The following MOB3C variants were observed in gnomAD, a reference collection of about 807,000 sequenced individuals.
The protein encoded by MOB3C is MOB kinase activator 3C.
Under a neutral mutation model 19.8 loss-of-function variants are expected in MOB3C, and 17 were observed. The observed-to-expected ratio is 0.86, with a 90% CI of 0.59 to 1.29. The LOEUF is 1.29. Ranked by LOEUF, MOB3C falls within the 50% of genes most tolerant of loss-of-function variation. The pLI is 0.00. For synonymous variants in MOB3C, 101 were observed against 119.2 expected (o/e 0.85, Z 0.99); for missense variants, 291 against 301.9 (o/e 0.96, Z 0.27).
chr1:46,610,683 T>C (rs960028065), intron 2 of MOB3C, among the ~76,000 whole-genome samples: 1 of 152,178 alleles, frequency 6.6e-6, no homozygotes, highest in Non-Finnish European at 1.5e-5. Flanking sequence ...TGCCTGGCCA[T>C]ACTTTTCTTT....
In MOB3C at chr1:46,609,485, CG is replaced by C; in HGVS notation, c.*169del. ...TGCTCTCCCCTTCTCCATCCACAAG[CG>C]GTCAGGGCGACAGGTAGGCAGACTC... On this transcript the variant is annotated 3_prime_UTR_variant, in exon 4 of 4. Coordinates refer to ENST00000319928, the MANE Select transcript of MOB3C (RefSeq NM_201403.3). 1 of 777,682 alleles carries C rather than the reference CG, an allele frequency of 1.3e-6. No homozygotes were observed. Among genetic ancestry groups the C allele is most frequent in the South Asian group, 1.5e-5 (1 of 65,552 alleles). 48.2% of individuals were successfully genotyped at this position (777,682 alleles called of 1,614,324 possible).
rs780986230 is a variant in MOB3C at position 46,613,382 on chromosome 1, C to T, written c.-50-11G>A. 5.0e-6 allele frequency: 8 copies of T among 1,588,668 alleles called. No homozygotes were observed. In the South Asian group the frequency reaches 7.8e-5, roughly 15 times the overall value. Reference sequence around the variant, plus strand: ...GGACCTGAGGATACCCTGCCAGGGACAAGGGCATAGGGGAGCTGGCGGTCA... The same window carrying T: ...GGACCTGAGGATACCCTGCCAGGGATAAGGGCATAGGGGAGCTGGCGGTCA... On this transcript the variant is annotated splice_polypyrimidine_tract_variant and intron_variant, in intron 1 of 3. Transcript: ENST00000319928.
In MOB3C at chr1:46,609,252, A is replaced by C. The variant is rs963400220; in HGVS notation, c.*403T>G. On this transcript the variant is annotated 3_prime_UTR_variant, in exon 4 of 4. Transcript: ENST00000319928. Reference sequence around the variant, plus strand: ...GTGAAAATCACACACACACACACACACCCCGGCATCTGTGCTCACTCACAG... The same window carrying C: ...GTGAAAATCACACACACACACACACCCCCCGGCATCTGTGCTCACTCACAG... The C allele has an allele frequency of 4.7e-5, 14 of 300,364 alleles. No individual in the cohort carries two copies. Among genetic ancestry groups the C allele is most frequent in the Admixed American group, 1.4e-4 (3 of 20,810 alleles). 18.6% of individuals were successfully genotyped at this position (300,364 alleles called of 1,614,324 possible). A position where few individuals can be genotyped will look rare whatever the true frequency, so the allele number is the denominator to read the frequency against.
Position 46,609,700 on chromosome 1 carries a change from G to T in MOB3C, c.622-16C>A. The T allele has an allele frequency of 6.2e-7, 1 of 1,614,046 alleles. No homozygotes were observed. Among genetic ancestry groups the T allele is most frequent in the African/African-American group, 1.3e-5 (1 of 75,038 alleles). On this transcript the variant is annotated splice_polypyrimidine_tract_variant and intron_variant, in intron 3 of 3. Transcript: ENST00000319928. Reference sequence around the variant, plus strand: ...TCATCTCCCTCTGTAGAGACACAAGGTAGGGAGGGGTCAATTAGAGCTCAG... The same window carrying T: ...TCATCTCCCTCTGTAGAGACACAAGTTAGGGAGGGGTCAATTAGAGCTCAG...
intron 1 of MOB3C, chr1:46,615,092 T>A: frequency 6.2e-7 from 1 of 1,603,152 alleles, no homozygotes; most frequent in South Asian, 1.1e-5. Context: ...ATCTCCATTT[T>A]AAACTCTGCT....
intron 1 of MOB3C, 178 bp downstream of exon 1, chr1:46,616,533 C>G (rs1480648302): frequency 7.6e-6 from 1 of 131,922 alleles, no homozygotes. Context: ...CCCCGACAAT[C>G]CCCCCCGCAA....
At position 46,608,979 on chromosome 1, in the gene MOB3C, T is replaced by C. The variant is rs1202748405; in HGVS notation, c.*676A>G. ...CCCAGCTCTCCAGGACTCATGCTGA[T>C]GGAAGAGTGTAGCCTGGAAGGTTTG... is the stretch of plus-strand genomic sequence containing the variant. On this transcript the variant is annotated 3_prime_UTR_variant, in exon 4 of 4. Coordinates refer to ENST00000319928, the MANE Select transcript of MOB3C (RefSeq NM_201403.3). This position sits in a 1 kb window ranked among gnomAD's most constrained non-coding sequence, Gnocchi z 4.5. 2.0e-5 allele frequency: 3 copies of C among 152,824 alleles called. No homozygotes were observed. Among genetic ancestry groups the C allele is most frequent in the Non-Finnish European group, 4.4e-5 (3 of 68,316 alleles). The allele number at this position is 152,824 out of a possible 1,614,324, so 9.5% of individuals were successfully genotyped here.
rs1388805252 is a variant in MOB3C at position 46,614,938 on chromosome 1, C to T, written c.-50-1567G>A. On this transcript the variant is annotated intron_variant, in intron 1 of 3. Coordinates refer to ENST00000319928, the MANE Select transcript of MOB3C (RefSeq NM_201403.3). ...GCTTGGAGAGTAGAAACAGGCCATT[C>T]AGCAGGAACTTGTTCTCTTGAAAAA... 3 of 1,501,432 alleles carry T rather than the reference C, an allele frequency of 2.0e-6. No individual in the cohort carries two copies. The African/African-American group carries it at 4.2e-5, about 21-fold the overall frequency. 93.0% of individuals were successfully genotyped at this position (1,501,432 alleles called of 1,614,324 possible). A position where few individuals can be genotyped will look rare whatever the true frequency, so the allele number is the denominator to read the frequency against.
At position 46,607,824 on chromosome 1, in the gene MOB3C, C is replaced by G. The variant is rs1675391064; in HGVS notation, c.*1831G>C. 6.6e-6 allele frequency: 1 copy of G among 152,220 alleles called. No individual in the cohort carries two copies. The highest frequency in any genetic ancestry group is 1.5e-5 in the Non-Finnish European group (1 of 68,052). 9.4% of individuals were successfully genotyped at this position (152,220 alleles called of 1,614,324 possible). A position where few individuals can be genotyped will look rare whatever the true frequency, so the allele number is the denominator to read the frequency against. On this transcript the variant is annotated 3_prime_UTR_variant, in exon 4 of 4. Coordinates refer to ENST00000319928, the MANE Select transcript of MOB3C (RefSeq NM_201403.3). ...CCTCCCCCTATCCCAGAAATCAGCC[C>G]TTGCCACAGCCTAGAATCCATCATG... is the stretch of plus-strand genomic sequence containing the variant.
intron 2 of MOB3C, among the ~76,000 whole-genome samples, chr1:46,610,546 G>A (rs1675447114): frequency 6.6e-6 from 1 of 152,142 alleles, no homozygotes. Flanking sequence ...ATCATGCCCA[G>A]CTAATTTTGT....
At position 46,608,416 on chromosome 1, in the gene MOB3C, T is replaced by A. The variant is rs1384420739; in HGVS notation, c.*1239A>T. 6.6e-6 allele frequency: 1 copy of A among 152,534 alleles called. No homozygotes were observed. Among genetic ancestry groups the A allele is most frequent in the Non-Finnish European group, 1.5e-5 (1 of 68,070 alleles). 9.4% of individuals were successfully genotyped at this position (152,534 alleles called of 1,614,324 possible). On this transcript the variant is annotated 3_prime_UTR_variant, in exon 4 of 4. Coordinates refer to ENST00000319928, the MANE Select transcript of MOB3C (RefSeq NM_201403.3). This position sits in a 1 kb window ranked among gnomAD's most constrained non-coding sequence, Gnocchi z 4.5. Reference sequence around the variant, plus strand: ...CTGCCTCAGTTTCCCCACCTGTGGGTCTGCGTATAGGGCTGGGTATGGAGG... The same window carrying A: ...CTGCCTCAGTTTCCCCACCTGTGGGACTGCGTATAGGGCTGGGTATGGAGG...
intron 1 of MOB3C, 198 bp from the exon 2 acceptor site, chr1:46,613,569 C>T: frequency 1.7e-6 from 1 of 592,088 alleles, no homozygotes; most frequent in Non-Finnish European, 3.0e-6. Flanking sequence ...TTGCTAAGCC[C>T]CCACAGTCCT....
chr1:46,610,220 G>A lies in MOB3C; in HGVS notation c.419-16C>T. 2 of 1,612,798 alleles carry A rather than the reference G, an allele frequency of 1.2e-6. No homozygotes were observed. Among genetic ancestry groups the A allele is most frequent in the Non-Finnish European group, 1.7e-6 (2 of 1,179,252 alleles). On this transcript the variant is annotated splice_polypyrimidine_tract_variant and intron_variant, in intron 2 of 3. Transcript: ENST00000319928. The stretch of plus-strand genomic sequence containing the variant: ...AAGGGAACTCCTAGAGGGCAGGGGA[G>A]GGCAGAAGGGGATCAGTATCCTGGT...
chr1:46,609,768 C>T lies in MOB3C; in HGVS notation c.622-84G>A. 5 of 1,563,946 alleles carry T rather than the reference C, an allele frequency of 3.2e-6. No individual in the cohort carries two copies. The South Asian group carries it at 5.9e-5, about 18-fold the overall frequency. On this transcript the variant is annotated intron_variant, in intron 3 of 3. Coordinates refer to ENST00000319928, the MANE Select transcript of MOB3C (RefSeq NM_201403.3). ...TCCCAAACCATAGGGCCTAGCTGCT[C>T]TTCTGTCTGAGCCTGGCCTTCCCCC...
intron 3 of MOB3C, 143 bp from the exon 4 acceptor site, chr1:46,609,827 T>C: frequency 7.5e-7 from 1 of 1,328,864 alleles, no homozygotes; most frequent in Non-Finnish European, 1.0e-6. Flanking sequence ...AGATCTGGGT[T>C]TGTAAACCAA....
chr1:46,613,700 C>T (rs1675515395), intron 1 of MOB3C: 1 of 331,690 alleles, frequency 3.0e-6, no homozygotes, highest in Non-Finnish European at 5.6e-6. Flanking sequence ...GCAGGCCCAC[C>T]AGCAGACAGG....
chr1:46,612,320 G>C (rs927458296), intron 2 of MOB3C, among the ~76,000 whole-genome samples: 1 of 152,172 alleles, frequency 6.6e-6, no homozygotes, highest in Admixed American at 6.5e-5. Context: ...AATCAGCTAT[G>C]AACACCTCGG....
chr1:46,615,151 C>T, intron 1 of MOB3C: 1 of 1,181,340 alleles, frequency 8.5e-7, no homozygotes, highest in Non-Finnish European at 1.3e-6. Flanking sequence ...GGCGGGGCTC[C>T]TGGGCTCCCC....
At chr1:46,612,658 G>GA (rs112172528) in intron 2 of MOB3C, among the ~76,000 whole-genome samples, 3,310 of 96,750 alleles carry the variant, frequency 0.034, 60 homozygotes, top group East Asian at 0.065. Context: ...TCTCAGAAAA[G>GA]AAAAAAAAAA....
Sources: allele counts gnomAD v4.1 joint callset (sites outside exome capture counted in the v4.1 genomes callset), GRCh38; gene constraint gnomAD v4.1.1; non-coding constraint Gnocchi (gnomAD v3.1); transcripts MANE v1.5; gene names NCBI Gene and HGNC (gene_info 2026-07-23, HGNC 2026-07-21).